The following PHTF1 variants were observed in gnomAD, a reference collection of about 807,000 sequenced individuals.
PHTF1 encodes the protein protein PHTF1.
PHTF1 carries 88 observed loss-of-function variants against 102.4 expected under a neutral mutation model. That is an observed-to-expected ratio of 0.86 (90% CI 0.72 to 1.03). The LOEUF is 1.03. PHTF1 is among the 50% of genes least tolerant of loss of function. The pLI, the probability that PHTF1 is intolerant of heterozygous loss-of-function variation, is 0.00. For missense variants in PHTF1, 814 were observed against 909.5 expected, an observed-to-expected ratio of 0.89 and a Z score of 1.35; for synonymous variants, 289 against 305.2, an observed-to-expected ratio of 0.95 and a Z score of 0.55.
At chr1:113,712,379 A>G (rs1453157141) in intron 8 of PHTF1, among the ~76,000 whole-genome samples, 1 of 152,204 alleles carries the variant, frequency 6.6e-6, no homozygotes, top group East Asian at 1.9e-4. Context: ...CAGCTCTTCT[A>G]CTTACTAGAT....
intron 3 of PHTF1, among the ~76,000 whole-genome samples, chr1:113,743,667 G>A (rs1003335372): frequency 1.3e-5 from 2 of 152,164 alleles, no homozygotes; most frequent in East Asian, 1.9e-4. Context: ...CATGAGTAAT[G>A]TGTCGTGCTA....
intron 17 of PHTF1, among the ~76,000 whole-genome samples, chr1:113,698,607 TTATATA>T (rs150694931): frequency 3.7e-4 from 45 of 122,356 alleles, no homozygotes; most frequent in Middle Eastern, 4.3e-3. Context: ...ATTTGTAGTT[TTATATA>T]TATATATACA....
At position 113,726,544 on chromosome 1, in the gene PHTF1, G is replaced by T. The variant is rs748002509; in HGVS notation, c.362C>A (p.Pro121His). The part of the protein sequence containing the change: ...VIAIVLYLMM[P>H]IVNISEVLGP... Reference sequence around the variant, plus strand: ...AAGTACTTCACTTATGTTCACAATAGGCATCATCAAATATAAGACAATTGC... The same window carrying T: ...AAGTACTTCACTTATGTTCACAATATGCATCATCAAATATAAGACAATTGC... Residue 121 changes from proline (P) to histidine (H), a missense_variant, in exon 6 of 19, where the codon CCT becomes CAT. Transcript: ENST00000369604. The T allele has an allele frequency of 6.9e-6, 11 of 1,599,348 alleles. No homozygotes were observed. The East Asian group carries it at 2.0e-4, about 29-fold the overall frequency.
chr1:113,753,229 TTGTC>T (rs561130753), intron 3 of PHTF1, among the ~76,000 whole-genome samples: 112 of 152,326 alleles, frequency 7.4e-4, no homozygotes, highest in African/African-American at 2.5e-3. Flanking sequence ...TATGATGTCT[TTGTC>T]TGGTTTAGGT....
At position 113,699,690 on chromosome 1, in the gene PHTF1, A is replaced by C. The variant is rs1649231332; in HGVS notation, c.2142+14T>G. 2 of 1,017,012 alleles carry C rather than the reference A, an allele frequency of 2.0e-6. No individual in the cohort carries two copies. Among genetic ancestry groups the C allele is most frequent in the Middle Eastern group, 2.0e-4 (1 of 4,926 alleles). 63.0% of individuals were successfully genotyped at this position (1,017,012 alleles called of 1,614,324 possible). On this transcript the variant is annotated intron_variant, in intron 17 of 18. Transcript: ENST00000369604. ...TCAAATGATAGTAAAAGTGTATCAT[A>C]GCCTATGACTTACTTTCAACAACTT...
At chr1:113,759,698 A>C (rs1557987832), upstream of PHTF1, among the ~76,000 whole-genome samples, 1 of 152,198 alleles carries the variant, frequency 6.6e-6, no homozygotes, top group African/African-American at 2.4e-5. Flanking sequence ...CTCAGCTTAA[A>C]AGTCACTTCC....
In PHTF1 at chr1:113,710,340, A is replaced by G; in HGVS notation, c.1183T>C (p.Ser395Pro). ...DLLHGPECRS[S>P]VTSDSEGAHV... Reference sequence around the variant, plus strand: ...GCCCCCTCACTGTCACTGGTGACAGATGACCGGCACTCTGGGCCATGTAGC... The same window carrying G: ...GCCCCCTCACTGTCACTGGTGACAGGTGACCGGCACTCTGGGCCATGTAGC... The change falls in exon 11 of 19, where the codon TCT (serine) becomes CCT (proline). Residue 395 changes from serine (S) to proline (P), a missense_variant. Physicochemically the swap from Ser to Pro is moderately conservative, Grantham distance 74. Transcript: ENST00000369604. 1 of 1,614,030 alleles carries G rather than the reference A, an allele frequency of 6.2e-7. No homozygotes were observed.
chr1:113,710,869 C>A (rs528260760), intron 10 of PHTF1, among the ~76,000 whole-genome samples: 1 of 148,874 alleles, frequency 6.7e-6, no homozygotes, highest in East Asian at 2.0e-4. Flanking sequence ...TGGTCTCCGA[C>A]TCCTGGTCTC....
Position 113,706,035 on chromosome 1 carries a change from G to A in PHTF1, c.1526C>T (p.Ser509Leu). 1 of 1,614,178 alleles carries A rather than the reference G, an allele frequency of 6.2e-7. No individual in the cohort carries two copies. The highest frequency in any genetic ancestry group is 8.5e-7 in the Non-Finnish European group (1 of 1,180,026). ...AAAGAGAGTCAAGATCTCCTCAGCT[G>A]AAATGGACTTTAGTTGGTCAAGGCT... ...EKSLDQLKSI[S>L]AEEILTLFCG... The change falls in exon 13 of 19, where the codon TCA (serine) becomes TTA (leucine). Residue 509 changes from serine (S) to leucine (L), a missense_variant. Transcript: ENST00000369604.
intron 2 of PHTF1, 70 bp from the exon 3 acceptor site, chr1:113,757,825 T>C (rs1659106162): frequency 6.0e-6 from 6 of 995,254 alleles, no homozygotes; most frequent in Non-Finnish European, 9.7e-6. Context: ...TCAAGCCTCA[T>C]AAAAGTCATG....
chr1:113,706,508 G>T, intron 12 of PHTF1, 86 bp downstream of exon 12: 1 of 1,046,290 alleles, frequency 9.6e-7, no homozygotes, highest in Non-Finnish European at 1.4e-6. Context: ...GAGTCATACT[G>T]TTTTAATCAC....
chr1:113,721,974 G>A (rs567013887), intron 7 of PHTF1, among the ~76,000 whole-genome samples: 18 of 151,814 alleles, frequency 1.2e-4, no homozygotes, highest in Admixed American at 2.0e-4. Flanking sequence ...GATTACAGGC[G>A]TGAGCCACTG....
chr1:113,729,403 A>G (rs1172198862), intron 5 of PHTF1, among the ~76,000 whole-genome samples: 2 of 152,182 alleles, frequency 1.3e-5, no homozygotes, highest in African/African-American at 2.4e-5. Flanking sequence ...CTAAAAGAGT[A>G]TAACTGGATT....
chr1:113,728,881 G>A (rs1654225199), intron 5 of PHTF1, among the ~76,000 whole-genome samples: 1 of 152,168 alleles, frequency 6.6e-6, no homozygotes, highest in Non-Finnish European at 1.5e-5. Flanking sequence ...CTGCACTCCA[G>A]TCCCTGGGTG....
chr1:113,718,191 C>T (rs990335856), intron 7 of PHTF1, among the ~76,000 whole-genome samples: 1 of 152,118 alleles, frequency 6.6e-6, no homozygotes, highest in Non-Finnish European at 1.5e-5. Flanking sequence ...GTTACAGGGC[C>T]CTTGCAAGTC....
Position 113,706,662 on chromosome 1 carries a change from A to G in PHTF1, c.1330T>C (p.Trp444Arg). 1 of 1,609,908 alleles carries G rather than the reference A, an allele frequency of 6.2e-7. No homozygotes were observed. Among genetic ancestry groups the G allele is most frequent in the Non-Finnish European group, 8.5e-7 (1 of 1,177,278 alleles). The change falls in exon 12 of 19, where the codon TGG (tryptophan) becomes CGG (arginine). Residue 444 changes from tryptophan (W) to arginine (R), a missense_variant. Trp to Arg is a moderately radical substitution (Grantham distance 101, BLOSUM62 -3). Coordinates refer to ENST00000369604, the MANE Select transcript of PHTF1 (RefSeq NM_001323043.2). ...ATCTTTTTGCACTCATTCCCCTCCC[A>G]GATTATTGCACTAACTCGATCAGAG... is the stretch of plus-strand genomic sequence containing the variant. ...PSSDRVSAII[W>R]EGNECKKMDM...
chr1:113,716,934 T>C (rs1652135293), intron 7 of PHTF1, among the ~76,000 whole-genome samples: 1 of 152,190 alleles, frequency 6.6e-6, no homozygotes, highest in Non-Finnish European at 1.5e-5. Context: ...CCTGTAATTG[T>C]TATGTGTAAA....
chr1:113,706,221 A>G, intron 12 of PHTF1, 59 bp from the exon 13 acceptor site: 1 of 1,394,650 alleles, frequency 7.2e-7, no homozygotes. Context: ...GTTACAAAGC[A>G]GTATTTATCA....
At chr1:113,728,098 G>A (rs78445913) in intron 5 of PHTF1, among the ~76,000 whole-genome samples, 3,553 of 152,184 alleles carry the variant, frequency 0.023, 148 homozygotes, top group African/African-American at 0.08. Flanking sequence ...CAGGGATGGC[G>A]GGGCGGAGGG....
Sources: allele counts gnomAD v4.1 joint callset (sites outside exome capture counted in the v4.1 genomes callset), GRCh38; gene constraint gnomAD v4.1.1; transcripts MANE v1.5; gene names NCBI Gene and HGNC (gene_info 2026-07-23, HGNC 2026-07-21).